The following RSU1 variants were observed in gnomAD, a reference collection of about 807,000 sequenced individuals.
RSU1 encodes Ras suppressor protein 1, also known as rsu-1.
Under a neutral mutation model 31.1 loss-of-function variants are expected in RSU1, and 26 were observed. The ratio of observed to expected loss-of-function variants is 0.84; its 90% CI spans 0.61 to 1.16. RSU1 has a LOEUF of 1.16. Among genes scored for constraint, RSU1 ranks in the 50% most tolerant of loss-of-function variants. The pLI is 0.00. For missense variants in RSU1, 320 were observed against 339.1 expected (o/e 0.94, Z 0.44); for synonymous variants, 164 against 136.3 (o/e 1.20, Z -1.41).
At chr10:16,658,409 A>G (rs1834828334) in intron 8 of RSU1, among the ~76,000 whole-genome samples, 1 of 152,170 alleles carries the variant, frequency 6.6e-6, no homozygotes, top group South Asian at 2.1e-4. Flanking sequence ...AGGTTTGACC[A>G]GAGAACAATT....
At chr10:16,687,074 G>C (rs1169843526) in intron 8 of RSU1, among the ~76,000 whole-genome samples, 2 of 152,192 alleles carry the variant, frequency 1.3e-5, no homozygotes, top group East Asian at 3.8e-4. Flanking sequence ...GAGGGAAGTA[G>C]TGAAGAAAGC....
chr10:16,714,194 C>T (rs1172314491), intron 7 of RSU1, among the ~76,000 whole-genome samples: 1 of 152,180 alleles, frequency 6.6e-6, no homozygotes, highest in East Asian at 1.9e-4. Flanking sequence ...ACGTGGCTGT[C>T]TCTTCAAGAG....
At chr10:16,746,757 C>T (rs1348449671) in intron 7 of RSU1, among the ~76,000 whole-genome samples, 6 of 148,574 alleles carry the variant, frequency 4.0e-5, no homozygotes, top group East Asian at 2.0e-4. Flanking sequence ...TCACTACCAA[C>T]GCAGGATTTT....
rs188523779 is a variant in RSU1 at position 16,749,160 on chromosome 10, T to C, written c.598+3379A>G. On this transcript the variant is annotated intron_variant, in intron 7 of 8. Transcript: ENST00000345264. ...TTACATCTCATTTCTTATAGGTATATAGACTAATATGAAAGCAAGTGCTTT... is the reference window on the plus strand; with the variant it reads ...TTACATCTCATTTCTTATAGGTATACAGACTAATATGAAAGCAAGTGCTTT... Among the ~76,000 whole-genome samples, 40 of 152,332 alleles carry C rather than the reference T, an allele frequency of 2.6e-4. 1 individual carries two copies. The highest frequency in any genetic ancestry group is 1.6e-3 in the Admixed American group (24 of 15,282).
intron 8 of RSU1, among the ~76,000 whole-genome samples, chr10:16,650,671 C>T (rs1249214798): frequency 1.3e-5 from 2 of 150,948 alleles, no homozygotes; most frequent in African/African-American, 4.9e-5. Context: ...GCTCCGCCTC[C>T]TGGGTTCACG....
chr10:16,700,339 A>C (rs574878321), intron 7 of RSU1, among the ~76,000 whole-genome samples: 2 of 152,278 alleles, frequency 1.3e-5, no homozygotes, highest in Non-Finnish European at 1.5e-5. Flanking sequence ...TAACAAGGTA[A>C]AACTAAAAAA....
At chr10:16,752,417 G>C in intron 7 of RSU1, 122 bp downstream of exon 7, 2 of 713,348 alleles carry the variant, frequency 2.8e-6, no homozygotes, top group East Asian at 5.1e-5. Context: ...CAAATGATCA[G>C]CATCGTGTGC....
At chr10:16,815,513 T>C (rs1293859905) in intron 2 of RSU1, among the ~76,000 whole-genome samples, 1 of 152,174 alleles carries the variant, frequency 6.6e-6, no homozygotes, top group Non-Finnish European at 1.5e-5. Flanking sequence ...GGAGTTGATA[T>C]CCCAAACTCA....
At chr10:16,788,408 G>A (rs1448407618) in intron 2 of RSU1, among the ~76,000 whole-genome samples, 3 of 152,162 alleles carry the variant, frequency 2.0e-5, no homozygotes, top group Non-Finnish European at 4.4e-5. Flanking sequence ...GGTCATGAGG[G>A]TGGAGCCCTC....
At chr10:16,646,626 G>C (rs1013275679) in intron 8 of RSU1, among the ~76,000 whole-genome samples, 1 of 152,194 alleles carries the variant, frequency 6.6e-6, no homozygotes, top group Non-Finnish European at 1.5e-5. Context: ...CACCGAGGCA[G>C]GGCCTCAAGC....
At chr10:16,648,511 G>A (rs1219089788) in intron 8 of RSU1, among the ~76,000 whole-genome samples, 2 of 152,170 alleles carry the variant, frequency 1.3e-5, no homozygotes, top group Non-Finnish European at 2.9e-5. Context: ...GAGAGGAGGA[G>A]AAGCTGTAGT....
intron 8 of RSU1, among the ~76,000 whole-genome samples, chr10:16,626,657 G>C (rs527297871): frequency 3.3e-5 from 5 of 152,144 alleles, no homozygotes; most frequent in African/African-American, 1.2e-4. Flanking sequence ...TTTGTCTTTG[G>C]GGAAACTACT....
At chr10:16,611,849 ATC>A (rs1833895935) in intron 8 of RSU1, among the ~76,000 whole-genome samples, 1 of 152,202 alleles carries the variant, frequency 6.6e-6, no homozygotes, top group African/African-American at 2.4e-5. Context: ...ATATGAATGA[ATC>A]TCTCTTTATG....
chr10:16,773,115 A>T (rs1300741492), intron 3 of RSU1, among the ~76,000 whole-genome samples: 1 of 151,884 alleles, frequency 6.6e-6, no homozygotes, highest in Non-Finnish European at 1.5e-5. Context: ...TGGGAAGATC[A>T]CTTGAGCCTG....
rs140522766 is a variant in RSU1, at chr10:16,810,842, C to T, written c.109+6131G>A. 9.2e-3 allele frequency among the ~76,000 whole-genome samples: 1,395 copies of T among 152,096 alleles called. 9 individuals are homozygous for T. Among genetic ancestry groups the T allele is most frequent in the Non-Finnish European group, 0.016 (1,104 of 67,998 alleles). The stretch of plus-strand genomic sequence containing the variant: ...TTCAACACCAGCCTGGGAGAAATGG[C>T]GAAACCCCATCTCTATAAAAATTAC... On this transcript the variant is annotated intron_variant, in intron 2 of 8. Coordinates refer to ENST00000345264, the MANE Select transcript of RSU1 (RefSeq NM_012425.4).
chr10:16,601,472 T>A (rs1215509884), intron 8 of RSU1, among the ~76,000 whole-genome samples: 1 of 152,202 alleles, frequency 6.6e-6, no homozygotes, highest in Non-Finnish European at 1.5e-5. Flanking sequence ...TGTTTTATGG[T>A]ACCTCATTTA....
chr10:16,642,541 C>T (rs560893830), intron 8 of RSU1, among the ~76,000 whole-genome samples: 2 of 152,220 alleles, frequency 1.3e-5, no homozygotes, highest in African/African-American at 2.4e-5. Context: ...TTAATGATAT[C>T]CAGGATGGCA....
chr10:16,616,694 A>C (rs1186830035), intron 8 of RSU1, among the ~76,000 whole-genome samples: 1 of 152,234 alleles, frequency 6.6e-6, no homozygotes, highest in African/African-American at 2.4e-5. Context: ...CACCCCTGGG[A>C]TGCAAGGCTG....
chr10:16,700,628 C>G (rs1451794990), intron 7 of RSU1, among the ~76,000 whole-genome samples: 1 of 152,210 alleles, frequency 6.6e-6, no homozygotes, highest in East Asian at 1.9e-4. Context: ...TGCATGATTA[C>G]AGACAAGTGG....
Sources: allele counts gnomAD v4.1 joint callset (sites outside exome capture counted in the v4.1 genomes callset), GRCh38; gene constraint gnomAD v4.1.1; transcripts MANE v1.5; gene names NCBI Gene and HGNC (gene_info 2026-07-23, HGNC 2026-07-21).